The following IKZF2 variants were observed in gnomAD, a reference collection of about 807,000 sequenced individuals.
IKZF2 encodes zinc finger protein Helios.
In IKZF2, 15 loss-of-function variants were observed where a neutral mutation model predicts 49.2. The ratio of observed to expected loss-of-function variants is 0.30; its 90% CI spans 0.20 to 0.47. The LOEUF (loss-of-function observed/expected upper bound fraction) is 0.47, where lower values mean the gene tolerates loss of function less well. Among genes scored for constraint, IKZF2 ranks in the 20% least tolerant of loss-of-function variants. IKZF2 has a pLI of 1.00. For synonymous variants in IKZF2, 227 were observed against 221.4 expected (o/e 1.03, Z -0.23); for missense variants, 567 against 664.6 (o/e 0.85, Z 1.61).
chr2:213,021,033 C>T (rs1048103813), intron 7 of IKZF2, among the ~76,000 whole-genome samples: 25 of 151,852 alleles, frequency 1.6e-4, no homozygotes, highest in African/African-American at 6.0e-4. Flanking sequence ...GCCAACATGG[C>T]GAAACCCCGT....
chr2:213,007,294 G>GTT lies in IKZF2; in HGVS notation c.*65_*66insAA. 1.3e-6 allele frequency: 2 copies of GTT among 1,487,974 alleles called. No homozygotes were observed. Among genetic ancestry groups the GTT allele is most frequent in the Non-Finnish European group, 1.8e-6 (2 of 1,101,466 alleles). The allele number at this position is 1,487,974 out of a possible 1,614,324, so 92.2% of individuals were successfully genotyped here. ...TCAACATTTGAGGAAAGGTGGGATT[G>GTT]TAAGTGCAGTATTTCTTCATGTGCA... On this transcript the variant is annotated 3_prime_UTR_variant, in exon 9 of 9. Transcript: ENST00000434687.
intron 4 of IKZF2, among the ~76,000 whole-genome samples, chr2:213,139,827 T>C (rs914158489): frequency 1.1e-4 from 16 of 151,958 alleles, no homozygotes; most frequent in African/African-American, 3.6e-4. Context: ...TCCTCAAATT[T>C]ACACACATTT....
At chr2:213,040,363 T>G (rs1414075292) in intron 6 of IKZF2, among the ~76,000 whole-genome samples, 1 of 152,014 alleles carries the variant, frequency 6.6e-6, no homozygotes, top group Non-Finnish European at 1.5e-5. Flanking sequence ...GGCCCCAGTA[T>G]GTGTTGTTCC....
chr2:213,056,713 T>C, intron 5 of IKZF2, 120 bp downstream of exon 5: 2 of 1,199,550 alleles, frequency 1.7e-6, no homozygotes, highest in Non-Finnish European at 2.4e-6. Flanking sequence ...ACTAGCAGAA[T>C]TCTGAAAAGG....
intron 4 of IKZF2, among the ~76,000 whole-genome samples, chr2:213,091,232 A>T (rs893122100): frequency 6.6e-6 from 1 of 152,212 alleles, no homozygotes; most frequent in Non-Finnish European, 1.5e-5. Flanking sequence ...ATATGGGTTC[A>T]CTAAAAATAA....
chr2:213,084,699 C>T (rs1704368056), intron 4 of IKZF2, among the ~76,000 whole-genome samples: 1 of 151,944 alleles, frequency 6.6e-6, no homozygotes, highest in Non-Finnish European at 1.5e-5. Context: ...TATCTGAAGG[C>T]CTTTTACACA....
chr2:213,136,301 TG>T (rs1209404353), intron 4 of IKZF2, among the ~76,000 whole-genome samples: 4 of 115,502 alleles, frequency 3.5e-5, no homozygotes, highest in African/African-American at 1.4e-4. Context: ...AACCTGGGAG[TG>T]AAGGGTTGCA....
chr2:213,068,421 C>T (rs1361342619), intron 4 of IKZF2, among the ~76,000 whole-genome samples: 2 of 152,056 alleles, frequency 1.3e-5, no homozygotes, highest in Non-Finnish European at 2.9e-5. Flanking sequence ...GGTAATGCTA[C>T]CGATTTGTGC....
At chr2:213,098,273 A>G (rs1284092678) in intron 4 of IKZF2, among the ~76,000 whole-genome samples, 1 of 152,170 alleles carries the variant, frequency 6.6e-6, no homozygotes, top group African/African-American at 2.4e-5. Flanking sequence ...AATAAATTAC[A>G]GAGTAGAGCA....
At chr2:213,080,748 G>A (rs1463430860) in intron 4 of IKZF2, among the ~76,000 whole-genome samples, 1 of 152,006 alleles carries the variant, frequency 6.6e-6, no homozygotes, top group East Asian at 1.9e-4. Context: ...GGCTAGCCAT[G>A]GCAAGAAATG....
intron 4 of IKZF2, among the ~76,000 whole-genome samples, chr2:213,136,242 G>C (rs1448967077): frequency 7.1e-6 from 1 of 141,064 alleles, no homozygotes; most frequent in Admixed American, 7.1e-5. Context: ...GTGGTGATGG[G>C]CGCCTGTAAT....
At chr2:213,021,895 G>C in intron 7 of IKZF2, 98 bp downstream of exon 7, 1 of 1,278,764 alleles carries the variant, frequency 7.8e-7, no homozygotes, top group Non-Finnish European at 1.1e-6. Context: ...AAGTTAAAGT[G>C]ATCTAAAATA....
intron 4 of IKZF2, among the ~76,000 whole-genome samples, chr2:213,116,567 T>G (rs1392469098): frequency 2.6e-5 from 4 of 152,140 alleles, no homozygotes; most frequent in Admixed American, 6.5e-5. Flanking sequence ...GGATCTTGTC[T>G]GTACAAAAAA....
rs181849889 is a variant in IKZF2, at chr2:213,019,882, G to A, written c.712+2111C>T. On this transcript the variant is annotated intron_variant, in intron 7 of 8. Transcript: ENST00000434687. ...TCTTTGCTTCTCTCAAAATATACTT[G>A]TTTAAATTTTTCGTTAGCATTTGAT... Among the ~76,000 whole-genome samples the A allele has an allele frequency of 5.9e-5, 9 of 152,218 alleles. No homozygotes were observed. In the East Asian group the frequency reaches 1.7e-3, roughly 29 times the overall value.
intron 4 of IKZF2, among the ~76,000 whole-genome samples, chr2:213,087,694 C>T (rs1021051706): frequency 2.0e-5 from 3 of 152,108 alleles, no homozygotes; most frequent in Non-Finnish European, 2.9e-5. Context: ...ATGTTCCCCA[C>T]CCTGTGTCCA....
chr2:213,049,657 T>C, intron 6 of IKZF2, 56 bp downstream of exon 6: 1 of 1,347,384 alleles, frequency 7.4e-7, no homozygotes, highest in Non-Finnish European at 1.0e-6. Flanking sequence ...CATTCAATAG[T>C]ACTCTTCTAA....
At chr2:213,118,902 C>A (rs1574909198) in intron 4 of IKZF2, among the ~76,000 whole-genome samples, 1 of 152,202 alleles carries the variant, frequency 6.6e-6, no homozygotes, top group African/African-American at 2.4e-5. Context: ...AAATTTACTA[C>A]TATGGCTTGG....
chr2:213,043,183 T>TAC (rs34393449), intron 6 of IKZF2, among the ~76,000 whole-genome samples: 75,447 of 148,726 alleles, frequency 0.51, 21,774 homozygotes, highest in East Asian at 0.75. Flanking sequence ...GTAAATGAAA[T>TAC]ACACACACAC....
intron 4 of IKZF2, among the ~76,000 whole-genome samples, chr2:213,100,877 A>G (rs1706577882): frequency 6.6e-6 from 1 of 152,086 alleles, no homozygotes; most frequent in Admixed American, 6.6e-5. Flanking sequence ...TGTTTTTCTT[A>G]CAGAACAGAT....
Sources: allele counts gnomAD v4.1 joint callset (sites outside exome capture counted in the v4.1 genomes callset), GRCh38; gene constraint gnomAD v4.1.1; transcripts MANE v1.5; gene names NCBI Gene and HGNC (gene_info 2026-07-23, HGNC 2026-07-21).